The following BICRAL variants were observed in gnomAD, a reference collection of about 807,000 sequenced individuals.
BICRAL encodes the protein BRD4-interacting chromatin-remodeling complex-associated protein-like.
In BICRAL, 8 loss-of-function variants were observed where a neutral mutation model predicts 91.8. The observed-to-expected ratio is 0.09, with a 90% confidence interval of 0.05 to 0.16. BICRAL has a LOEUF of 0.16. Ranked by LOEUF, BICRAL falls within the 10% of genes least tolerant of loss-of-function variation. The pLI is 1.00. For synonymous variants in BICRAL, 445 were observed against 491.1 expected, an observed-to-expected ratio of 0.91 and a Z score of 1.24; for missense variants, 1,038 against 1,310.9, an observed-to-expected ratio of 0.79 and a Z score of 3.21.
chr6:42,857,358 G>A (rs1765402185), intron 10 of BICRAL, 122 bp downstream of exon 10: 1 of 733,194 alleles, frequency 1.4e-6, no homozygotes, highest in East Asian at 2.6e-5. Context: ...TTTAATCACA[G>A]ACCAAACTTG....
At chr6:42,861,554 A>T (rs768539720) in intron 11 of BICRAL, among the ~76,000 whole-genome samples, 64 of 152,368 alleles carry the variant, frequency 4.2e-4, no homozygotes, top group Non-Finnish European at 4.7e-4. Flanking sequence ...TAACCTATCA[A>T]TTGGTCTCTT....
At chr6:42,781,288 C>A (rs958872062), upstream of BICRAL, among the ~76,000 whole-genome samples, 7 of 152,078 alleles carry the variant, frequency 4.6e-5, no homozygotes, top group Middle Eastern at 3.2e-3. Context: ...GCCTCACCTT[C>A]CTTTTAGTCA....
intron 1 of BICRAL, among the ~76,000 whole-genome samples, chr6:42,791,888 T>A (rs1763283903): frequency 6.6e-6 from 1 of 152,206 alleles, no homozygotes; most frequent in African/African-American, 2.4e-5. Flanking sequence ...CAAACCAATA[T>A]GGTATAACCT....
At position 42,829,591 on chromosome 6, in the gene BICRAL, A is replaced by G. The variant is rs150529527; in HGVS notation, c.1258A>G (p.Ile420Val). 13 of 1,614,086 alleles carry G rather than the reference A, an allele frequency of 8.1e-6. 1 individual carries two copies. The South Asian group carries it at 9.9e-5, about 12-fold the overall frequency. Reference sequence around the variant, plus strand: ...CAACTCGGTACACCACGTCCAGACTATAAATGGGCAACTTCTTCAAACTCA... The same window carrying G: ...CAACTCGGTACACCACGTCCAGACTGTAAATGGGCAACTTCTTCAAACTCA... The part of the protein sequence containing the change: ...SSNSVHHVQT[I>V]NGQLLQTQPS... The change falls in exon 6 of 13, where the codon ATA becomes GTA. Residue 420 changes from isoleucine to valine, a missense_variant. Coordinates refer to ENST00000314073, the MANE Select transcript of BICRAL (RefSeq NM_001393499.1).
intron 1 of BICRAL, among the ~76,000 whole-genome samples, chr6:42,768,795 T>TAGAA (rs1762676864): frequency 6.6e-6 from 1 of 152,182 alleles, no homozygotes; most frequent in Non-Finnish European, 1.5e-5. Flanking sequence ...CTAGGCTTTC[T>TAGAA]AGCCTTGTAG....
intron 1 of BICRAL, among the ~76,000 whole-genome samples, chr6:42,785,880 C>T (rs1763091418): frequency 6.6e-6 from 1 of 152,178 alleles, no homozygotes; most frequent in African/African-American, 2.4e-5. Context: ...GTGGTGAAAC[C>T]CCGTTTCTAC....
At chr6:42,781,773 T>G (rs1197125023), upstream of BICRAL, 1 of 147,324 alleles carries the variant, frequency 6.8e-6, no homozygotes, top group Non-Finnish European at 1.5e-5. Context: ...TGCAGCTTGA[T>G]TTTCCAAAAA....
intron 7 of BICRAL, 83 bp from the exon 8 acceptor site, chr6:42,853,555 T>C: frequency 4.2e-6 from 4 of 950,858 alleles, no homozygotes; most frequent in Non-Finnish European, 6.9e-6. Flanking sequence ...CTCAACAGTC[T>C]GTACCCATTG....
At chr6:42,843,636 T>C (rs147009263) in intron 6 of BICRAL, among the ~76,000 whole-genome samples, 14 of 151,922 alleles carry the variant, frequency 9.2e-5, no homozygotes, top group South Asian at 4.2e-4. Context: ...GTTAGAAAAA[T>C]GGGGAGAGAT....
At chr6:42,799,634 A>G (rs1015281885) in intron 1 of BICRAL, among the ~76,000 whole-genome samples, 1 of 152,132 alleles carries the variant, frequency 6.6e-6, no homozygotes, top group Non-Finnish European at 1.5e-5. Context: ...ATCTTCTCCA[A>G]CTGAAACTAT....
intron 1 of BICRAL, among the ~76,000 whole-genome samples, chr6:42,785,919 T>C (rs958127386): frequency 5.9e-5 from 9 of 152,080 alleles, no homozygotes; most frequent in Admixed American, 2.0e-4. Context: ...CCGGGCTTGG[T>C]GGGCACATGC....
chr6:42,843,874 C>T (rs1019919886), intron 6 of BICRAL, among the ~76,000 whole-genome samples: 1 of 148,740 alleles, frequency 6.7e-6, no homozygotes, highest in African/African-American at 2.5e-5. Flanking sequence ...TCTCGGCTCA[C>T]TGCAACCTCC....
At chr6:42,765,773 GGGATCAA>G (rs1161996606) in intron 1 of BICRAL, among the ~76,000 whole-genome samples, 1 of 152,130 alleles carries the variant, frequency 6.6e-6, no homozygotes, top group East Asian at 1.9e-4. Context: ...CAGGCTGTCA[GGGATCAA>G]GGCAATATTA....
intron 1 of BICRAL, among the ~76,000 whole-genome samples, chr6:42,809,512 C>A (rs896087862): frequency 7.4e-5 from 11 of 149,272 alleles, no homozygotes; most frequent in African/African-American, 2.7e-4. Context: ...TCTTGGCTCA[C>A]GGCAACCTCT....
chr6:42,764,242 C>T (rs866729464), intron 1 of BICRAL, among the ~76,000 whole-genome samples: 12 of 123,784 alleles, frequency 9.7e-5, no homozygotes, highest in African/African-American at 2.7e-4. Flanking sequence ...ACTTTGTTTC[C>T]GAAAAAAAAA....
intron 4 of BICRAL, 33 bp from the exon 5 acceptor site, chr6:42,822,902 T>C (rs773933726): frequency 2.0e-6 from 3 of 1,531,946 alleles, no homozygotes; most frequent in East Asian, 2.3e-5. Flanking sequence ...ACAGTTAAAG[T>C]AGTAACCACC....
At chr6:42,799,455 C>T (rs767649885) in intron 1 of BICRAL, among the ~76,000 whole-genome samples, 6 of 151,934 alleles carry the variant, frequency 3.9e-5, no homozygotes, top group East Asian at 1.9e-4. Flanking sequence ...CCACCACGCC[C>T]GGCTAGTTTT....
Position 42,828,521 on chromosome 6 carries a change from G to A in BICRAL, c.188G>A (p.Gly63Asp), listed in dbSNP as rs185904212. The A allele has an allele frequency of 1.2e-4, 196 of 1,613,432 alleles. No individual in the cohort carries two copies. The highest frequency in any genetic ancestry group is 8.5e-4 in the Admixed American group (51 of 59,974). The change falls in exon 6 of 13, where the codon GGT (glycine) becomes GAT (aspartate). Residue 63 changes from glycine (G) to aspartate (D), a missense_variant. Gly to Asp is a moderately conservative substitution (Grantham distance 94). Around this residue, in one of 5 missense-constraint regions of BICRAL, gnomAD observed 115 missense variants for 121.5 expected, o/e 0.95. Coordinates refer to ENST00000314073, the MANE Select transcript of BICRAL (RefSeq NM_001393499.1). ...SNADPKSSLKGVSNQLGEGPS... is the reference protein window; with the variant it reads ...SNADPKSSLKDVSNQLGEGPS... ...GCTGATCCTAAGTCATCCCTCAAAG[G>A]TGTAAGCAACCAGCTTGGAGAAGGG...
chr6:42,821,542 C>T (rs1179406444), intron 2 of BICRAL, among the ~76,000 whole-genome samples: 1 of 152,146 alleles, frequency 6.6e-6, no homozygotes, highest in African/African-American at 2.4e-5. Flanking sequence ...GAACCATTTT[C>T]CTATCTTCCT....
Sources: allele counts gnomAD v4.1 joint callset (sites outside exome capture counted in the v4.1 genomes callset), GRCh38; gene constraint gnomAD v4.1.1; regional missense constraint gnomAD v4.1.1; transcripts MANE v1.5; gene names NCBI Gene and HGNC (gene_info 2026-07-23, HGNC 2026-07-21).